Variants in NIBAN2 observed in about 807,000 individuals in gnomAD.
NIBAN2 encodes niban apoptosis regulator 2, also known as protein Niban 2.
In NIBAN2, 36 loss-of-function variants were observed where a neutral mutation model predicts 81.8. That is an observed-to-expected ratio of 0.44 (90% CI 0.34 to 0.58). NIBAN2 has a LOEUF of 0.58. Among genes scored for constraint, NIBAN2 ranks in the 20% least tolerant of loss-of-function variants. NIBAN2 has a pLI of 0.02. For synonymous variants in NIBAN2, 445 were observed against 441.6 expected (o/e 1.01, Z -0.10); for missense variants, 897 against 1,014.1 (o/e 0.88, Z 1.57).
At chr9:127,518,729 T>A (rs1036087494) in intron 5 of NIBAN2, among the ~76,000 whole-genome samples, 2 of 152,194 alleles carry the variant, frequency 1.3e-5, no homozygotes, top group Non-Finnish European at 2.9e-5. Flanking sequence ...TGGGCCACAG[T>A]GTAGGGACAG....
At chr9:127,535,687 G>A (rs190748502) in intron 1 of NIBAN2, among the ~76,000 whole-genome samples, 1 of 152,216 alleles carries the variant, frequency 6.6e-6, no homozygotes, top group Admixed American at 6.5e-5. Context: ...AGGTGGGGCT[G>A]GAGTCGCTCA....
chr9:127,517,049 G>T lies in NIBAN2; in HGVS notation c.811-30C>A. 6.2e-7 allele frequency: 1 copy of T among 1,611,178 alleles called. No individual in the cohort carries two copies. ...GGGCAGAGCAGCTGAATTGGCACCA[G>T]GGCTGAGGGCACCGCACCAGCTGCA... On this transcript the variant is annotated intron_variant, in intron 7 of 13. Transcript: ENST00000373312. The surrounding 1 kb of genome is among the most constrained non-coding windows in gnomAD (Gnocchi z 4.0).
At chr9:127,540,046 G>A (rs940547552) in intron 1 of NIBAN2, among the ~76,000 whole-genome samples, 1 of 152,208 alleles carries the variant, frequency 6.6e-6, no homozygotes, top group African/African-American at 2.4e-5. Flanking sequence ...GGGCTCCTAA[G>A]AAGTGCCTCT....
rs377686230 is a variant in NIBAN2, at chr9:127,510,305, G to A, written c.1002C>T (p.Cys334=). 4 of 1,612,646 alleles carry A rather than the reference G, an allele frequency of 2.5e-6. No homozygotes were observed. The highest frequency in any genetic ancestry group is 2.2e-5 in the East Asian group (1 of 44,814). ...RAFILPKAEV[C]VRNHVQPYIP... ...TGTAGGGCTGGACATGGTTCCGCAC[G>A]CACACCTCTGCCTTGGGGAGGATGA... is the stretch of plus-strand genomic sequence containing the variant. The change falls in exon 9 of 14, where the codon TGC becomes TGT. Residue 334 remains cysteine, a synonymous_variant. Transcript: ENST00000373312.
At chr9:127,516,468 G>A (rs1241719492) in intron 8 of NIBAN2, among the ~76,000 whole-genome samples, 1 of 152,224 alleles carries the variant, frequency 6.6e-6, no homozygotes, top group African/African-American at 2.4e-5. Context: ...AGAATTGTTT[G>A]AATCCGGGAG....
chr9:127,540,699 C>T (rs554968650), intron 1 of NIBAN2, among the ~76,000 whole-genome samples: 38 of 152,324 alleles, frequency 2.5e-4, no homozygotes, highest in Admixed American at 1.6e-3. Flanking sequence ...TCCACACGGA[C>T]GGGGGACCCA....
intron 1 of NIBAN2, among the ~76,000 whole-genome samples, chr9:127,555,112 T>G (rs780269685): frequency 4.5e-4 from 69 of 152,264 alleles, no homozygotes; most frequent in Non-Finnish European, 8.1e-4. Context: ...TCACTTTTAA[T>G]GGCTTCATAT....
At chr9:127,511,023 A>T (rs1588152001) in intron 8 of NIBAN2, among the ~76,000 whole-genome samples, 2 of 151,310 alleles carry the variant, frequency 1.3e-5, no homozygotes, top group Admixed American at 1.3e-4. Context: ...CCCTCTCCCA[A>T]CTCTCTCTTC....
Position 127,523,693 on chromosome 9 carries a change from C to T in NIBAN2, c.575G>A (p.Arg192Gln), listed in dbSNP as rs772489458. 16 of 1,611,838 alleles carry T rather than the reference C, an allele frequency of 9.9e-6. No individual in the cohort carries two copies. Among genetic ancestry groups the T allele is most frequent in the East Asian group, 6.7e-5 (3 of 44,808 alleles). The change falls in exon 5 of 14, where the codon CGG becomes CAG. Residue 192 changes from arginine to glutamine, a missense_variant. Physicochemically the swap from Arg to Gln is conservative, Grantham distance 43. Coordinates refer to ENST00000373312, the MANE Select transcript of NIBAN2 (RefSeq NM_022833.4). Reference protein sequence around the residue: ...KWQAVLQDCIRHCNNGIPEDS... With the variant: ...KWQAVLQDCIQHCNNGIPEDS... ...AGGCCACTCACCATTGTTGCAGTGC[C>T]GGATGCAGTCCTGCAGCACAGCCTG... is the stretch of plus-strand genomic sequence containing the variant.
Position 127,509,139 on chromosome 9 carries a change from G to A in NIBAN2, c.1162-8C>T, listed in dbSNP as rs368203200. 1 of 1,606,520 alleles carries A rather than the reference G, an allele frequency of 6.2e-7. No homozygotes were observed. Among genetic ancestry groups the A allele is most frequent in the Non-Finnish European group, 8.5e-7 (1 of 1,178,318 alleles). On this transcript the variant is annotated splice_polypyrimidine_tract_variant and splice_region_variant and intron_variant, in intron 9 of 13. Coordinates refer to ENST00000373312, the MANE Select transcript of NIBAN2 (RefSeq NM_022833.4). Reference sequence around the variant, plus strand: ...GGACAGCTTCTCCATGTACTGCAGGGGCCGGGGCCGCGGGGGCTGAGCAGG... The same window carrying A: ...GGACAGCTTCTCCATGTACTGCAGGAGCCGGGGCCGCGGGGGCTGAGCAGG...
chr9:127,531,881 T>G, intron 1 of NIBAN2, 103 bp from the exon 2 acceptor site: 1 of 1,491,504 alleles, frequency 6.7e-7, no homozygotes, highest in Admixed American at 1.9e-5. Flanking sequence ...AATTCCTGCA[T>G]GTGGAATTGT....
rs1046794470 is a variant in NIBAN2 at position 127,506,116 on chromosome 9, C to T, written c.*729G>A. On this transcript the variant is annotated 3_prime_UTR_variant, in exon 14 of 14. Transcript: ENST00000373312. ...ACAGGCCCATAAAACCTCAGGCTCC[C>T]CATAACCCTCACTCAGCCATCTCAC... is the stretch of plus-strand genomic sequence containing the variant. The T allele has an allele frequency of 2.1e-5, 3 of 145,212 alleles. No homozygotes were observed. Among genetic ancestry groups the T allele is most frequent in the African/African-American group, 5.0e-5 (2 of 39,828 alleles). 9.0% of individuals were successfully genotyped at this position (145,212 alleles called of 1,614,324 possible). A position where few individuals can be genotyped will look rare whatever the true frequency, so the allele number is the denominator to read the frequency against.
At position 127,559,148 on chromosome 9, in the gene NIBAN2, T is replaced by G. The variant is rs528946720; in HGVS notation, c.55+9672A>C. Reference sequence around the variant, plus strand: ...AACATGAGCCACAGCACATCCAGCTTGATGGAACCTTCTTGGCTGGCATGA... The same window carrying G: ...AACATGAGCCACAGCACATCCAGCTGGATGGAACCTTCTTGGCTGGCATGA... On this transcript the variant is annotated intron_variant, in intron 1 of 13. Coordinates refer to ENST00000373312, the MANE Select transcript of NIBAN2 (RefSeq NM_022833.4). The surrounding 1 kb of genome is among the most constrained non-coding windows in gnomAD (Gnocchi z 4.0). Among the ~76,000 whole-genome samples the G allele has an allele frequency of 1.3e-5, 2 of 152,180 alleles. No individual in the cohort carries two copies. Among genetic ancestry groups the G allele is most frequent in the African/African-American group, 2.4e-5 (1 of 41,430 alleles).
At chr9:127,551,742 A>T (rs1402838829) in intron 1 of NIBAN2, among the ~76,000 whole-genome samples, 1 of 151,858 alleles carries the variant, frequency 6.6e-6, no homozygotes, top group Non-Finnish European at 1.5e-5. Context: ...AAGAAAGAAA[A>T]AGAAAAGAAC....
At chr9:127,564,310 G>T (rs1330619791) in intron 1 of NIBAN2, among the ~76,000 whole-genome samples, 1 of 150,490 alleles carries the variant, frequency 6.6e-6, no homozygotes, top group East Asian at 1.9e-4. Flanking sequence ...AAAAAAAAAG[G>T]TGACCCAGGA....
intron 1 of NIBAN2, among the ~76,000 whole-genome samples, chr9:127,539,420 G>A (rs1319432511): frequency 1.3e-5 from 2 of 152,164 alleles, no homozygotes; most frequent in African/African-American, 2.4e-5. Context: ...CGAGGAAACC[G>A]AGGCTCAGAG....
chr9:127,570,405 G>A (rs1255075534), upstream of NIBAN2, among the ~76,000 whole-genome samples: 1 of 152,210 alleles, frequency 6.6e-6, no homozygotes, highest in Non-Finnish European at 1.5e-5. Context: ...GGAAGCCCAA[G>A]CTGCCCTCCC....
intron 8 of NIBAN2, among the ~76,000 whole-genome samples, chr9:127,511,604 T>C (rs12002807): frequency 0.014 from 2,176 of 152,208 alleles, 56 homozygotes; most frequent in African/African-American, 0.049. Flanking sequence ...AATGACAAGG[T>C]GTTCTGAGAT....
chr9:127,542,001 C>A (rs1378683377), intron 1 of NIBAN2, among the ~76,000 whole-genome samples: 1 of 152,248 alleles, frequency 6.6e-6, no homozygotes, highest in East Asian at 1.9e-4. Context: ...TGCCCCCCAG[C>A]CAGGCCACTC....
Sources: allele counts gnomAD v4.1 joint callset (sites outside exome capture counted in the v4.1 genomes callset), GRCh38; gene constraint gnomAD v4.1.1; non-coding constraint Gnocchi (gnomAD v3.1); transcripts MANE v1.5; gene names NCBI Gene and HGNC (gene_info 2026-07-23, HGNC 2026-07-21).